SRI: variants seen among roughly 807,000 people sequenced by gnomAD.
The protein encoded by SRI is sorcin.
In SRI, 30 loss-of-function variants were observed where a neutral mutation model predicts 33.3. The ratio of observed to expected loss-of-function variants is 0.90; its 90% CI spans 0.67 to 1.22. The LOEUF is 1.22. Ranked by LOEUF, SRI falls within the 50% of genes most tolerant of loss-of-function variation. The pLI, the probability that SRI is intolerant of heterozygous loss-of-function variation, is 0.00. For synonymous variants in SRI, 75 were observed against 89.9 expected (o/e 0.83, Z 0.94); for missense variants, 243 against 250.8 (o/e 0.97, Z 0.21).
chr7:88,216,466 T>C (rs1463437755), intron 3 of SRI, among the ~76,000 whole-genome samples: 1 of 152,136 alleles, frequency 6.6e-6, no homozygotes, highest in African/African-American at 2.4e-5. Flanking sequence ...TGGCAACCAC[T>C]TATGTTAGCA....
At chr7:88,224,364 A>G (rs1851952548), upstream of SRI, among the ~76,000 whole-genome samples, 1 of 152,258 alleles carries the variant, frequency 6.6e-6, no homozygotes, top group African/African-American at 2.4e-5. Context: ...TAACTAAGTA[A>G]CTGTAGTTAT....
chr7:88,213,380 T>C (rs954591233), intron 3 of SRI, among the ~76,000 whole-genome samples: 1 of 152,214 alleles, frequency 6.6e-6, no homozygotes, highest in Non-Finnish European at 1.5e-5. Flanking sequence ...TTCAACCCCG[T>C]ACACTATCTT....
chr7:88,218,322 C>T (rs1206976161), intron 2 of SRI, among the ~76,000 whole-genome samples: 11 of 152,110 alleles, frequency 7.2e-5, no homozygotes, highest in Admixed American at 7.2e-4. Flanking sequence ...GGCCAGAACA[C>T]CTAATAAGGA....
Position 88,211,007 on chromosome 7 carries a change from AAT to A in SRI, c.206-84_206-83del, listed in dbSNP as rs1308150845. 6.4e-4 allele frequency: 693 copies of A among 1,086,774 alleles called. 4 individuals carry two copies. Among genetic ancestry groups the A allele is most frequent in the Non-Finnish European group, 1.4e-4 (101 of 718,894 alleles). 67.3% of individuals were successfully genotyped at this position (1,086,774 alleles called of 1,614,324 possible). A position where few individuals can be genotyped will look rare whatever the true frequency, so the allele number is the denominator to read the frequency against. On this transcript the variant is annotated intron_variant, in intron 3 of 7. Transcript: ENST00000265729. ...ACTGGATACATTCAAATTAATTAGA[AAT>A]ATGATTATTATACACTTTTATTTTT...
At chr7:88,222,652 A>G (rs1352664254), upstream of SRI, among the ~76,000 whole-genome samples, 2 of 152,188 alleles carry the variant, frequency 1.3e-5, no homozygotes, top group Admixed American at 1.3e-4. Flanking sequence ...CAAAACAGAG[A>G]TATAGATCAA....
chr7:88,208,677 C>T, intron 6 of SRI, 112 bp from the exon 7 acceptor site: 1 of 1,477,074 alleles, frequency 6.8e-7, no homozygotes, highest in Non-Finnish European at 9.2e-7. Context: ...TTAAATTGTG[C>T]AACCAATTAA....
chr7:88,208,904 A>G (rs1015979444), intron 6 of SRI: 1 of 332,062 alleles, frequency 3.0e-6, no homozygotes, highest in East Asian at 6.9e-5. Flanking sequence ...GCTTCTTAAT[A>G]ACAAAGATAC....
At chr7:88,222,521 T>G (rs1586724211), upstream of SRI, among the ~76,000 whole-genome samples, 6 of 151,994 alleles carry the variant, frequency 3.9e-5, no homozygotes, top group Admixed American at 2.0e-4. Context: ...CTTCGCCCAC[T>G]TTTTGATGGG....
intron 2 of SRI, 114 bp downstream of exon 2, chr7:88,218,744 TG>T: frequency 5.4e-6 from 5 of 927,772 alleles, no homozygotes; most frequent in Non-Finnish European, 8.4e-6. Context: ...TTTTTTCTTT[TG>T]CAGAAGCAAA....
chr7:88,209,498 C>T lies in SRI; in HGVS notation c.398-46G>A, dbSNP rs372322047. The T allele has an allele frequency of 8.4e-6, 12 of 1,429,132 alleles. No individual in the cohort carries two copies. In the African/African-American group the frequency reaches 8.4e-5, roughly 10 times the overall value. 88.5% of individuals were successfully genotyped at this position (1,429,132 alleles called of 1,614,324 possible). A position where few individuals can be genotyped will look rare whatever the true frequency, so the allele number is the denominator to read the frequency against. On this transcript the variant is annotated intron_variant, in intron 5 of 7. Coordinates refer to ENST00000265729, the MANE Select transcript of SRI (RefSeq NM_003130.4). ...TAAAAAGGTTAAAGGATTGCAGAAG[C>T]TCATTAAAAAATAAAATAATCAAGC...
chr7:88,215,342 AACAATATACAAC>A, intron 3 of SRI, among the ~76,000 whole-genome samples: 1 of 152,204 alleles, frequency 6.6e-6, no homozygotes, highest in Non-Finnish European at 1.5e-5. Flanking sequence ...ACTGCTCTCT[AACAATATACAAC>A]CCATTTTGTT....
chr7:88,209,246 T>G (rs778132378), intron 6 of SRI, 93 bp downstream of exon 6: 1 of 1,032,582 alleles, frequency 9.7e-7, no homozygotes, highest in South Asian at 1.6e-5. Flanking sequence ...AGAAAAAATT[T>G]GGGAAGAATA....
intron 7 of SRI, 69 bp downstream of exon 7, chr7:88,208,438 A>G: frequency 6.3e-7 from 1 of 1,591,908 alleles, no homozygotes; most frequent in Non-Finnish European, 8.6e-7. Flanking sequence ...TTAACAGCTA[A>G]TTTCAAAGGG....
intron 1 of SRI, among the ~76,000 whole-genome samples, chr7:88,225,742 G>C (rs1851980000): frequency 1.3e-5 from 2 of 152,162 alleles, no homozygotes; most frequent in Non-Finnish European, 2.9e-5. Flanking sequence ...AGAATTTGGA[G>C]ACATTGTTTT....
intron 3 of SRI, among the ~76,000 whole-genome samples, chr7:88,212,839 AC>A (rs796504394): frequency 3.0e-4 from 46 of 152,312 alleles, no homozygotes; most frequent in African/African-American, 9.9e-4. Context: ...CTAGGGCATG[AC>A]CCAGCAATCT....
At chr7:88,220,055 C>T (rs1382985647), upstream of SRI, 2 of 1,515,756 alleles carry the variant, frequency 1.3e-6, no homozygotes, top group Admixed American at 4.1e-5. Context: ...GCCGCCCTCG[C>T]CCTGTGCGCC....
At chr7:88,211,688 C>A in intron 3 of SRI, among the ~76,000 whole-genome samples, 1 of 152,066 alleles carries the variant, frequency 6.6e-6, no homozygotes, top group East Asian at 1.9e-4. Flanking sequence ...TGAGCAGTAA[C>A]CTCCTACCTC....
At chr7:88,208,747 C>T in intron 6 of SRI, 182 bp from the exon 7 acceptor site, 1 of 885,518 alleles carries the variant, frequency 1.1e-6, no homozygotes, top group Non-Finnish European at 1.6e-6. Flanking sequence ...ATTTAATATG[C>T]AACAAAGTAA....
intron 7 of SRI, 136 bp downstream of exon 7, chr7:88,208,371 A>T (rs1223788725): frequency 2.1e-6 from 3 of 1,428,382 alleles, no homozygotes; most frequent in Non-Finnish European, 2.7e-6. Flanking sequence ...CTGGATGATA[A>T]CTCTTTCTAA....
Sources: gnomAD v4.1 joint callset for allele counts (sites outside exome capture counted in the v4.1 genomes callset) on GRCh38, gnomAD v4.1.1 for gene constraint, MANE v1.5 for transcripts, NCBI Gene and HGNC (gene_info 2026-07-23, HGNC 2026-07-21) for gene names.